Variants in RIN2 observed in about 807,000 individuals in gnomAD.
RIN2 encodes RAB5 interacting protein 2.
In RIN2, 36 loss-of-function variants were observed where a neutral mutation model predicts 78.0. The observed-to-expected ratio is 0.46, with a 90% CI of 0.35 to 0.61. The LOEUF (loss-of-function observed/expected upper bound fraction) is 0.61. Among genes scored for constraint, RIN2 ranks in the 20% least tolerant of loss-of-function variants. The pLI, the probability that RIN2 is intolerant of heterozygous loss-of-function variation, is 0.00. For missense variants in RIN2, 1,087 were observed against 1,159.7 expected (o/e 0.94, Z 0.91); for synonymous variants, 466 against 466.8 (o/e 1.00, Z 0.02).
chr20:19,957,305 G>C (rs2041583074), intron 5 of RIN2, among the ~76,000 whole-genome samples: 1 of 152,186 alleles, frequency 6.6e-6, no homozygotes, highest in African/African-American at 2.4e-5. Flanking sequence ...AGTCTAATAT[G>C]GTTTCCTCAG....
intron 4 of RIN2, among the ~76,000 whole-genome samples, chr20:19,936,702 C>G (rs887830626): frequency 6.6e-6 from 1 of 152,146 alleles, no homozygotes; most frequent in African/African-American, 2.4e-5. Flanking sequence ...AGAGTGAGAG[C>G]TGGGTGGTTG....
At chr20:19,995,124 A>G (rs938042771) in intron 11 of RIN2, among the ~76,000 whole-genome samples, 4 of 152,108 alleles carry the variant, frequency 2.6e-5, no homozygotes, top group African/African-American at 9.7e-5. Flanking sequence ...TATTGACCAG[A>G]GAGAGGCTTC....
chr20:19,935,418 C>G, intron 4 of RIN2: 1 of 1,287,012 alleles, frequency 7.8e-7, no homozygotes, highest in South Asian at 2.7e-5. Flanking sequence ...TTTATACTCT[C>G]TCAATTCCTC....
chr20:19,854,032 A>G (rs374191626), intron 2 of RIN2, among the ~76,000 whole-genome samples: 1 of 152,188 alleles, frequency 6.6e-6, no homozygotes, highest in African/African-American at 2.4e-5. Context: ...TTAAGTCTTT[A>G]ATCCATCTTG....
chr20:19,968,613 T>C (rs1779237032), intron 7 of RIN2, among the ~76,000 whole-genome samples: 1 of 152,130 alleles, frequency 6.6e-6, no homozygotes, highest in Admixed American at 6.5e-5. Context: ...AGGTGTGGCT[T>C]CCTGTCATAT....
chr20:19,887,308 A>T (rs771914873), intron 2 of RIN2, among the ~76,000 whole-genome samples: 6 of 152,056 alleles, frequency 3.9e-5, no homozygotes, highest in Non-Finnish European at 5.9e-5. Flanking sequence ...GAGCCACTGC[A>T]CAGACCAAGA....
chr20:19,812,923 A>G (rs2035648639), intron 2 of RIN2, among the ~76,000 whole-genome samples: 1 of 152,240 alleles, frequency 6.6e-6, no homozygotes, highest in Non-Finnish European at 1.5e-5. Context: ...TTACTGCAGA[A>G]GTTACTCAGC....
intron 4 of RIN2, among the ~76,000 whole-genome samples, chr20:19,943,343 T>C (rs1011992807): frequency 6.6e-6 from 1 of 152,192 alleles, no homozygotes; most frequent in Non-Finnish European, 1.5e-5. Flanking sequence ...GAGGCAGACA[T>C]GAGCTTTTGT....
At chr20:19,810,641 A>G (rs978280536) in intron 2 of RIN2, among the ~76,000 whole-genome samples, 1 of 148,030 alleles carries the variant, frequency 6.8e-6, no homozygotes, top group Non-Finnish European at 1.5e-5. Flanking sequence ...TGATGCTGAA[A>G]TTGCTCTTAT....
chr20:19,783,625 G>A (rs199866622), intron 1 of RIN2, among the ~76,000 whole-genome samples: 1 of 152,172 alleles, frequency 6.6e-6, no homozygotes, highest in African/African-American at 2.4e-5. Context: ...AGTAGTTGAT[G>A]GGGAAGGCGG....
intron 2 of RIN2, among the ~76,000 whole-genome samples, chr20:19,880,579 G>C (rs1186554703): frequency 6.6e-6 from 1 of 151,638 alleles, no homozygotes; most frequent in East Asian, 1.9e-4. Flanking sequence ...GTAGAGATGA[G>C]GTTTTGCTGT....
At chr20:19,965,681 G>A (rs189267966) in intron 7 of RIN2, among the ~76,000 whole-genome samples, 1 of 152,304 alleles carries the variant, frequency 6.6e-6, no homozygotes, top group African/African-American at 2.4e-5. Context: ...GCGTGATCTT[G>A]GCTCACTACA....
chr20:19,936,075 C>G (rs1304752723), intron 4 of RIN2, among the ~76,000 whole-genome samples: 4 of 152,152 alleles, frequency 2.6e-5, no homozygotes, highest in Non-Finnish European at 5.9e-5. Flanking sequence ...CAAACCAGCC[C>G]GACTAGTTCC....
chr20:19,767,080 A>AG (rs1248665346), intron 1 of RIN2, among the ~76,000 whole-genome samples: 1 of 152,200 alleles, frequency 6.6e-6, no homozygotes, highest in Non-Finnish European at 1.5e-5. Flanking sequence ...AAAGGCATAC[A>AG]GATTTACTTA....
intron 2 of RIN2, among the ~76,000 whole-genome samples, chr20:19,822,970 T>C (rs1021893560): frequency 1.1e-5 from 1 of 88,416 alleles, no homozygotes; most frequent in African/African-American, 2.7e-5. Flanking sequence ...TAATTTCTAA[T>C]AATAAATAAT....
intron 12 of RIN2, 48 bp downstream of exon 12, chr20:19,996,890 G>A: frequency 6.6e-7 from 1 of 1,514,468 alleles, no homozygotes; most frequent in Non-Finnish European, 8.9e-7. Flanking sequence ...CAGGAATGCG[G>A]AGCTGGCTCA....
chr20:19,885,828 C>A (rs1488033520), intron 2 of RIN2, among the ~76,000 whole-genome samples: 2 of 152,042 alleles, frequency 1.3e-5, no homozygotes, highest in Admixed American at 1.3e-4. Flanking sequence ...AATATGTATA[C>A]CTATATATAT....
intron 12 of RIN2, among the ~76,000 whole-genome samples, chr20:20,000,154 A>G (rs2146436958): frequency 6.6e-6 from 1 of 152,326 alleles, no homozygotes; most frequent in Admixed American, 6.5e-5. Flanking sequence ...ATATAGTGAG[A>G]TCTCATCTCT....
rs555298348 is a variant in RIN2 at position 19,885,816 on chromosome 20, G to C, written c.-36-3750G>C. On this transcript the variant is annotated intron_variant, in intron 2 of 12. Transcript: ENST00000255006. ...TTAATTAGCTTCACTTAGCCATTCTGCAATATGTATACCTATATATATCAA... is the reference window on the plus strand; with the variant it reads ...TTAATTAGCTTCACTTAGCCATTCTCCAATATGTATACCTATATATATCAA... Among the ~76,000 whole-genome samples the C allele has an allele frequency of 2.0e-5, 3 of 152,268 alleles. No individual in the cohort carries two copies. In the East Asian group the frequency reaches 5.8e-4, roughly 29 times the overall value.
Sources: gnomAD v4.1 joint callset for allele counts (sites outside exome capture counted in the v4.1 genomes callset) on GRCh38, gnomAD v4.1.1 for gene constraint, MANE v1.5 for transcripts, NCBI Gene and HGNC (gene_info 2026-07-23, HGNC 2026-07-21) for gene names.